FAM135B: variants seen among roughly 807,000 people sequenced by gnomAD.
The protein encoded by FAM135B is family with sequence similarity 135 member B, also known as protein FAM135B.
Under a neutral mutation model 127.7 loss-of-function variants are expected in FAM135B, and 43 were observed. The observed-to-expected ratio is 0.34, with a 90% CI of 0.26 to 0.43. The LOEUF is 0.43. Among genes scored for constraint, FAM135B ranks in the 20% least tolerant of loss-of-function variants. The pLI is 1.00. For synonymous variants in FAM135B, 670 were observed against 665.1 expected, an observed-to-expected ratio of 1.01 and a Z score of -0.11; for missense variants, 1,558 against 1,725.6, an observed-to-expected ratio of 0.90 and a Z score of 1.72.
At chr8:138,174,241 C>T (rs1441379078) in intron 11 of FAM135B, among the ~76,000 whole-genome samples, 1 of 152,164 alleles carries the variant, frequency 6.6e-6, no homozygotes, top group Admixed American at 6.5e-5. Flanking sequence ...AATCTGAGCT[C>T]GAACAAGATG....
chr8:138,292,991 G>A (rs1020678124), intron 3 of FAM135B, among the ~76,000 whole-genome samples: 38 of 152,006 alleles, frequency 2.5e-4, no homozygotes, highest in African/African-American at 4.8e-5. Flanking sequence ...ACATTACCTG[G>A]CTTCAAATTA....
At chr8:138,331,976 G>C (rs10875427) in intron 2 of FAM135B, among the ~76,000 whole-genome samples, 135,078 of 151,764 alleles carry the variant, frequency 0.89, 61,459 homozygotes, top group Non-Finnish European at 0.98. Context: ...GTCAGTTAAT[G>C]TCTCCAGGAC....
At chr8:138,139,730 C>A (rs1218388221) in intron 17 of FAM135B, among the ~76,000 whole-genome samples, 1 of 152,196 alleles carries the variant, frequency 6.6e-6, no homozygotes, top group Non-Finnish European at 1.5e-5. Context: ...TGCACCATTG[C>A]ATTCCAGCCT....
chr8:138,463,065 C>T (rs1018078855), intron 1 of FAM135B, among the ~76,000 whole-genome samples: 3 of 152,196 alleles, frequency 2.0e-5, no homozygotes, highest in African/African-American at 7.2e-5. Flanking sequence ...TCCCAGTCCA[C>T]CAGCACATCT....
At position 138,241,677 on chromosome 8, in the gene FAM135B, C is replaced by T. The variant is rs149224432; in HGVS notation, c.669+1265G>A. On this transcript the variant is annotated intron_variant, in intron 7 of 19. Transcript: ENST00000395297. This position sits in a 1 kb window ranked among gnomAD's most constrained non-coding sequence, Gnocchi z 4.8. ...TTTTGCGGGGCTGACTGGGCATGGACAGTTTATCACACTTATAATGTGGGC... is the reference window on the plus strand; with the variant it reads ...TTTTGCGGGGCTGACTGGGCATGGATAGTTTATCACACTTATAATGTGGGC... Among the ~76,000 whole-genome samples, 46 of 152,294 alleles carry T rather than the reference C, an allele frequency of 3.0e-4. No homozygotes were observed. Among genetic ancestry groups the T allele is most frequent in the Middle Eastern group, 6.8e-3 (2 of 294 alleles).
At position 138,141,418 on chromosome 8, in the gene FAM135B, G is replaced by A. The variant is rs1277045966; in HGVS notation, c.3639-69C>T. On this transcript the variant is annotated intron_variant, in intron 16 of 19. Coordinates refer to ENST00000395297, the MANE Select transcript of FAM135B (RefSeq NM_015912.4). The surrounding 1 kb of genome is among the most constrained non-coding windows in gnomAD (Gnocchi z 4.7). ...GCTGCTGCCCAAGAGTGCAGTGCTG[G>A]AAGCATCAGGGGCCATTGTTCTCCA... 6.6e-7 allele frequency: 1 copy of A among 1,504,356 alleles called. No homozygotes were observed. The highest frequency in any genetic ancestry group is 9.2e-7 in the Non-Finnish European group (1 of 1,087,320). 93.2% of individuals were successfully genotyped at this position (1,504,356 alleles called of 1,614,324 possible). A position where few individuals can be genotyped will look rare whatever the true frequency, so the allele number is the denominator to read the frequency against.
At chr8:138,296,602 G>C (rs1825498426) in intron 3 of FAM135B, among the ~76,000 whole-genome samples, 1 of 152,150 alleles carries the variant, frequency 6.6e-6, no homozygotes, top group Admixed American at 6.5e-5. Context: ...TGACATGCAA[G>C]TTAGAAATCA....
intron 1 of FAM135B, among the ~76,000 whole-genome samples, chr8:138,426,595 T>G: frequency 6.6e-6 from 1 of 151,540 alleles, no homozygotes; most frequent in East Asian, 1.9e-4. Flanking sequence ...ATTTTTATCA[T>G]AATCTAATAC....
chr8:138,158,264 A>C (rs1342491277), intron 12 of FAM135B, among the ~76,000 whole-genome samples: 5 of 152,274 alleles, frequency 3.3e-5, no homozygotes, highest in South Asian at 2.1e-4. Context: ...AAAGCTGAAA[A>C]TGGATCCCTT....
At chr8:138,285,034 G>A (rs1192262424) in intron 3 of FAM135B, among the ~76,000 whole-genome samples, 6 of 150,850 alleles carry the variant, frequency 4.0e-5, no homozygotes, top group Non-Finnish European at 7.4e-5. Flanking sequence ...CCTTCTCATC[G>A]GACCATTACA....
chr8:138,309,177 G>A (rs1395559851), intron 3 of FAM135B: 13 of 300,280 alleles, frequency 4.3e-5, no homozygotes, highest in South Asian at 2.9e-4. Context: ...ACTGGTTCAC[G>A]CAGGGCAGGG....
At chr8:138,322,191 A>T (rs1827493941) in intron 2 of FAM135B, among the ~76,000 whole-genome samples, 1 of 152,186 alleles carries the variant, frequency 6.6e-6, no homozygotes, top group Non-Finnish European at 1.5e-5. Context: ...GACTCTGTAA[A>T]TGGTAGCCAT....
chr8:138,429,155 G>A (rs1835065833), intron 1 of FAM135B, among the ~76,000 whole-genome samples: 1 of 152,126 alleles, frequency 6.6e-6, no homozygotes, highest in South Asian at 2.1e-4. Context: ...TGAGGTCTGG[G>A]AAGGTTTCCT....
intron 7 of FAM135B, among the ~76,000 whole-genome samples, chr8:138,226,637 C>T (rs112487277): frequency 2.0e-5 from 3 of 152,288 alleles, no homozygotes; most frequent in African/African-American, 7.2e-5. Context: ...TGTCAGCTCA[C>T]TGCAACCACC....
intron 1 of FAM135B, among the ~76,000 whole-genome samples, chr8:138,380,707 T>C (rs555913582): frequency 2.4e-4 from 36 of 151,074 alleles, no homozygotes; most frequent in African/African-American, 8.0e-4. Flanking sequence ...AGTTTTTACA[T>C]CCATGATTTC....
intron 3 of FAM135B, among the ~76,000 whole-genome samples, chr8:138,288,155 C>T (rs912682915): frequency 6.6e-6 from 1 of 152,128 alleles, no homozygotes; most frequent in Non-Finnish European, 1.5e-5. Flanking sequence ...CTGAGGGAAA[C>T]CAATAAGGTT....
At chr8:138,421,672 G>C (rs1308435374) in intron 1 of FAM135B, among the ~76,000 whole-genome samples, 4 of 152,134 alleles carry the variant, frequency 2.6e-5, no homozygotes, top group African/African-American at 9.7e-5. Flanking sequence ...CCATGCTTAT[G>C]GATAGGAAGA....
chr8:138,294,794 G>T (rs760500176), intron 3 of FAM135B, among the ~76,000 whole-genome samples: 2 of 152,272 alleles, frequency 1.3e-5, no homozygotes, highest in Admixed American at 6.5e-5. Flanking sequence ...TAAGGTGAAA[G>T]TGTCTTTAGA....
chr8:138,310,847 G>T lies in FAM135B; in HGVS notation c.151C>A (p.Gln51Lys). ...TTGCCATTCTTCTGCTCACCTGTCT[G>T]CCCAGCGATGGAGGCACTCAGTCTG... ...PHRLSASIAG[Q>K]TESSSLHSAC... The change falls in exon 3 of 20, where the codon CAG (glutamine) becomes AAG (lysine). Residue 51 changes from glutamine to lysine, a missense_variant. Gln to Lys is a moderately conservative substitution (Grantham distance 53). This residue lies in a region of FAM135B where 199 missense variants were observed against 245.7 expected (regional missense o/e 0.81). Coordinates refer to ENST00000395297, the MANE Select transcript of FAM135B (RefSeq NM_015912.4). 6.2e-7 allele frequency: 1 copy of T among 1,613,756 alleles called. No individual in the cohort carries two copies. Among genetic ancestry groups the T allele is most frequent in the Non-Finnish European group, 8.5e-7 (1 of 1,179,860 alleles).
Sources: allele counts gnomAD v4.1 joint callset (sites outside exome capture counted in the v4.1 genomes callset), GRCh38; gene constraint gnomAD v4.1.1; regional missense constraint gnomAD v4.1.1; non-coding constraint Gnocchi (gnomAD v3.1); transcripts MANE v1.5; gene names NCBI Gene and HGNC (gene_info 2026-07-23, HGNC 2026-07-21).